Variants in CDH23 observed in about 807,000 individuals in gnomAD.
CDH23 encodes the protein cadherin-23.
CDH23 carries 189 observed loss-of-function variants against 317.1 expected under a neutral mutation model. The observed-to-expected ratio is 0.60, with a 90% CI of 0.53 to 0.67. The LOEUF (loss-of-function observed/expected upper bound fraction) is 0.67, where lower values mean the gene tolerates loss of function less well. CDH23 is among the 30% of genes least tolerant of loss of function. CDH23 has a pLI of 0.00. For synonymous variants in CDH23, 1,839 were observed against 1,876.8 expected, an observed-to-expected ratio of 0.98 and a Z score of 0.52; for missense variants, 4,401 against 4,592.4, an observed-to-expected ratio of 0.96 and a Z score of 1.20.
chr10:71,542,444 C>T (rs1425635281), intron 6 of CDH23, among the ~76,000 whole-genome samples: 1 of 152,210 alleles, frequency 6.6e-6, no homozygotes, highest in Non-Finnish European at 1.5e-5. Context: ...TCTTTAGGGT[C>T]TTGCTGTGCT....
chr10:71,798,994 A>G, intron 50 of CDH23, 117 bp from the exon 51 acceptor site: 1 of 963,346 alleles, frequency 1.0e-6, no homozygotes, highest in Non-Finnish European at 1.5e-6. Context: ...CTGCCTGACC[A>G]CCCTCCTTCA....
intron 6 of CDH23, among the ~76,000 whole-genome samples, chr10:71,526,404 G>C (rs2132247063): frequency 6.6e-6 from 1 of 152,340 alleles, no homozygotes; most frequent in Non-Finnish European, 1.5e-5. Flanking sequence ...CCCCGTTTCT[G>C]AGTTATCTGT....
intron 55 of CDH23, 148 bp from the exon 56 acceptor site, chr10:71,805,658 C>T: frequency 2.6e-6 from 2 of 759,134 alleles, no homozygotes; most frequent in South Asian, 2.0e-5. Flanking sequence ...CAGGAGAATC[C>T]AGCCGAGCAG....
At chr10:71,577,218 C>T (rs1459599993) in intron 8 of CDH23, among the ~76,000 whole-genome samples, 3 of 152,112 alleles carry the variant, frequency 2.0e-5, no homozygotes, top group African/African-American at 4.8e-5. Context: ...CCCAAGAACG[C>T]GTTCCCCTGG....
chr10:71,773,279 G>A (rs1840728663), intron 38 of CDH23: 9 of 1,462,324 alleles, frequency 6.2e-6, no homozygotes, highest in African/African-American at 1.4e-5. Context: ...CCCCCAGGAC[G>A]CCCCCATCCC....
Position 71,813,304 on chromosome 10 carries a change from C to G in CDH23, c.9694C>G (p.Arg3232Gly), listed in dbSNP as rs1434063011. Residue 3232 changes from arginine to glycine, a missense_variant, in exon 69 of 70, where the codon CGG becomes GGG. This residue lies in a region of CDH23 where 1,144 missense variants were observed against 1,138.2 expected (regional missense o/e 1.01). Coordinates refer to ENST00000224721, the MANE Select transcript of CDH23 (RefSeq NM_022124.6). ...GCGGCTCAAAAAGCTCTTTGCACAGCGGATGGTGCAAAAAGCCTCCTCCTG... is the reference window on the plus strand; with the variant it reads ...GCGGCTCAAAAAGCTCTTTGCACAGGGGATGGTGCAAAAAGCCTCCTCCTG... ...YLRLKKLFAQ[R>G]MVQKASSCHS... 6.4e-7 allele frequency: 1 copy of G among 1,551,490 alleles called. No individual in the cohort carries two copies. Among genetic ancestry groups the G allele is most frequent in the African/African-American group, 1.4e-5 (1 of 73,032 alleles).
intron 18 of CDH23, among the ~76,000 whole-genome samples, chr10:71,687,038 A>G (rs1298412329): frequency 6.6e-6 from 1 of 152,266 alleles, no homozygotes; most frequent in Middle Eastern, 3.4e-3. Context: ...ATTGCTTTAG[A>G]ACTGACAGGG....
intron 40 of CDH23, 74 bp downstream of exon 40, chr10:71,778,382 G>C: frequency 6.3e-7 from 1 of 1,578,484 alleles, no homozygotes; most frequent in Non-Finnish European, 8.6e-7. Flanking sequence ...GCTCCGATGC[G>C]GGAAGGGGTT....
chr10:71,735,454 G>A (rs1312675653), intron 34 of CDH23, among the ~76,000 whole-genome samples: 6 of 152,184 alleles, frequency 3.9e-5, no homozygotes, highest in African/African-American at 1.4e-4. Flanking sequence ...GTGGGTCCAG[G>A]GCCAGCTACC....
intron 6 of CDH23, among the ~76,000 whole-genome samples, chr10:71,525,865 CT>C (rs1855011784): frequency 6.6e-6 from 1 of 152,198 alleles, no homozygotes; most frequent in Non-Finnish European, 1.5e-5. Context: ...TAGAGTGTTG[CT>C]TCCATGTGCC....
chr10:71,630,097 C>T (rs1861930824), intron 11 of CDH23, among the ~76,000 whole-genome samples: 1 of 152,174 alleles, frequency 6.6e-6, no homozygotes, highest in Admixed American at 6.5e-5. Context: ...TTATAACTCA[C>T]TGCAGCCTCG....
intron 26 of CDH23, 91 bp from the exon 27 acceptor site, chr10:71,709,007 A>G: frequency 4.3e-6 from 5 of 1,161,602 alleles, no homozygotes; most frequent in South Asian, 1.3e-5. Context: ...TGGACTCACC[A>G]TCGCGGGTCC....
intron 38 of CDH23, among the ~76,000 whole-genome samples, chr10:71,754,395 T>A (rs1234921999): frequency 1.3e-5 from 2 of 152,060 alleles, no homozygotes; most frequent in Non-Finnish European, 2.9e-5. Flanking sequence ...GGAAATAAGT[T>A]GCGAGCCAAA....
chr10:71,409,354 A>G (rs887146648), intron 1 of CDH23, among the ~76,000 whole-genome samples: 4 of 152,180 alleles, frequency 2.6e-5, no homozygotes, highest in Admixed American at 2.6e-4. Flanking sequence ...GGCCTCTTCC[A>G]AGGGCAATGA....
At position 71,797,192 on chromosome 10, in the gene CDH23, A is replaced by G; in HGVS notation, c.6801A>G (p.Leu2267=). 1 of 1,613,098 alleles carries G rather than the reference A, an allele frequency of 6.2e-7. No homozygotes were observed. The highest frequency in any genetic ancestry group is 8.5e-7 in the Non-Finnish European group (1 of 1,179,418). ...TLSVIDNASD[L]PERSVSVPNA... is the part of the protein sequence containing the mutation. Reference sequence around the variant, plus strand: ...CAGTGATTGACAATGCCAGCGACCTACCAGAGCGCTCTGTCAGTGTGCCAA... The same window carrying G: ...CAGTGATTGACAATGCCAGCGACCTGCCAGAGCGCTCTGTCAGTGTGCCAA... Residue 2267 remains leucine (L), a synonymous_variant, in exon 49 of 70, where the codon CTA becomes CTG. Transcript: ENST00000224721.
Position 71,473,336 on chromosome 10 carries a change from A to G in CDH23, c.145+26941A>G, listed in dbSNP as rs188608916. 5.3e-5 allele frequency among the ~76,000 whole-genome samples: 8 copies of G among 152,356 alleles called. No homozygotes were observed. In the East Asian group the frequency reaches 1.3e-3, roughly 26 times the overall value. ...GAGAAGGAAGACATAAAAAGTCAAT[A>G]TAAATGCCATGGAGGAATACCAAGG... On this transcript the variant is annotated intron_variant, in intron 3 of 69. Coordinates refer to ENST00000224721, the MANE Select transcript of CDH23 (RefSeq NM_022124.6).
In CDH23 at chr10:71,702,193, G is replaced by A. The variant is rs751682379; in HGVS notation, c.2569G>A (p.Val857Ile). The A allele has an allele frequency of 2.2e-5, 35 of 1,613,614 alleles. No individual in the cohort carries two copies. The highest frequency in any genetic ancestry group is 5.1e-6 in the Non-Finnish European group (6 of 1,179,858). ...PHEAELMRKI[V>I]VSVTDCGRPP... ...TGAGGCCGAGCTGATGCGCAAAATC[G>A]TCGTCTCTGTTACTGACTGTATGGA... Residue 857 changes from valine to isoleucine, a missense_variant, in exon 23 of 70, where the codon GTC becomes ATC. Physicochemically the swap from Val to Ile is conservative, Grantham distance 29 (BLOSUM62 3). Transcript: ENST00000224721.
intron 38 of CDH23, chr10:71,752,904 C>T (rs1840041337): frequency 2.6e-6 from 4 of 1,560,360 alleles, no homozygotes; most frequent in Non-Finnish European, 8.8e-7. Flanking sequence ...AGGGCCCCTA[C>T]TGCACAGAAG....
intron 17 of CDH23, among the ~76,000 whole-genome samples, chr10:71,681,522 G>A (rs1271882883): frequency 6.6e-6 from 1 of 152,172 alleles, no homozygotes. Flanking sequence ...TTCTGTTGAA[G>A]GTAAGGTCTG....
Sources: allele counts gnomAD v4.1 joint callset (sites outside exome capture counted in the v4.1 genomes callset), GRCh38; gene constraint gnomAD v4.1.1; regional missense constraint gnomAD v4.1.1; transcripts MANE v1.5; gene names NCBI Gene and HGNC (gene_info 2026-07-23, HGNC 2026-07-21).